Variants in COL4A3 observed in about 807,000 individuals in gnomAD.
COL4A3 encodes the protein collagen type IV alpha 3 chain, also known as collagen alpha-3(IV) chain.
A neutral mutation model predicts 217.4 loss-of-function variants in COL4A3; 135 were observed. That is an observed-to-expected ratio of 0.62 (90% CI 0.54 to 0.72). The LOEUF (loss-of-function observed/expected upper bound fraction) is 0.72. Among genes scored for constraint, COL4A3 ranks in the 30% least tolerant of loss-of-function variants. The pLI is 0.00. For synonymous variants in COL4A3, 690 were observed against 736.3 expected (o/e 0.94, Z 1.02); for missense variants, 1,868 against 2,119.9 (o/e 0.88, Z 2.33).
At chr2:227,267,792 G>GA (rs11298010) in intron 23 of COL4A3, among the ~76,000 whole-genome samples, 97 of 146,766 alleles carry the variant, frequency 6.6e-4, no homozygotes, top group East Asian at 7.9e-4. Flanking sequence ...ATTTTGAAAG[G>GA]AAAAAAAAAA....
In COL4A3 at chr2:227,308,954, T is replaced by C. The variant is rs754214748; in HGVS notation, c.4518T>C (p.Asn1506=). ...RFTTMPFLFC[N]VNDVCNFASR... ...CCACAATGCCATTCTTATTCTGCAA[T>C]GTCAATGATGTATGTAATTTTGCAT... Residue 1506 remains asparagine, a synonymous_variant, in exon 49 of 52, where the codon AAT becomes AAC. Coordinates refer to ENST00000396578, the MANE Select transcript of COL4A3 (RefSeq NM_000091.5). The C allele has an allele frequency of 1.2e-6, 2 of 1,614,218 alleles. No individual in the cohort carries two copies. The highest frequency in any genetic ancestry group is 1.7e-6 in the Non-Finnish European group (2 of 1,180,042).
At position 227,281,038 on chromosome 2, in the gene COL4A3, A is replaced by AAGGGCAGGAGACATGAGACTCC. The variant is rs376532914; in HGVS notation, c.2488+33_2488+54dup. 508 of 1,387,272 alleles carry AAGGGCAGGAGACATGAGACTCC rather than the reference A, an allele frequency of 3.7e-4. 2 individuals are homozygous for AAGGGCAGGAGACATGAGACTCC. The highest frequency in any genetic ancestry group is 3.5e-3 in the African/African-American group (244 of 69,798). 85.9% of individuals were successfully genotyped at this position (1,387,272 alleles called of 1,614,324 possible). On this transcript the variant is annotated intron_variant, in intron 31 of 51. Coordinates refer to ENST00000396578, the MANE Select transcript of COL4A3 (RefSeq NM_000091.5). ...GGAGGGCCTCAAAACTGGCCACCAG[A>AAGGGCAGGAGACATGAGACTCC]AGGGCAGGAGACATGAGACTCCTGC...
At chr2:227,172,883 G>A (rs540110638) in intron 1 of COL4A3, among the ~76,000 whole-genome samples, 1 of 152,176 alleles carries the variant, frequency 6.6e-6, no homozygotes, top group South Asian at 2.1e-4. Context: ...CACAGTGCCT[G>A]GCCCGGTTTC....
intron 1 of COL4A3, among the ~76,000 whole-genome samples, chr2:227,213,095 T>G (rs1054846276): frequency 2.6e-5 from 4 of 152,222 alleles, no homozygotes; most frequent in Admixed American, 6.5e-5. Flanking sequence ...CTGACCCAAC[T>G]TGGCTTCCTC....
intron 34 of COL4A3, among the ~76,000 whole-genome samples, chr2:227,285,636 T>G (rs2072272284): frequency 6.6e-6 from 1 of 152,206 alleles, no homozygotes; most frequent in African/African-American, 2.4e-5. Context: ...GGAAAAAATA[T>G]GAATAGCATA....
chr2:227,308,677 C>A (rs115532542), intron 48 of COL4A3, among the ~76,000 whole-genome samples: 2 of 152,148 alleles, frequency 1.3e-5, no homozygotes, highest in Non-Finnish European at 2.9e-5. Context: ...AAAGAGCCAC[C>A]GGAAGTATTA....
At chr2:227,289,771 A>G (rs1278252419) in intron 35 of COL4A3, among the ~76,000 whole-genome samples, 1 of 152,146 alleles carries the variant, frequency 6.6e-6, no homozygotes, top group Non-Finnish European at 1.5e-5. Context: ...GGATGATTTT[A>G]GTGTTTGAAA....
At chr2:227,259,661 A>C in intron 18 of COL4A3, 132 bp from the exon 19 acceptor site, 1 of 710,968 alleles carries the variant, frequency 1.4e-6, no homozygotes, top group South Asian at 1.6e-5. Flanking sequence ...ACCTGCTAAC[A>C]TGTAAACCTA....
At chr2:227,252,216 T>C (rs1370333369) in intron 11 of COL4A3, among the ~76,000 whole-genome samples, 17 of 131,910 alleles carry the variant, frequency 1.3e-4, no homozygotes, top group Middle Eastern at 3.6e-3. Context: ...TTCTTTCTTT[T>C]TTTTTTTTTT....
rs567959586 is a variant in COL4A3 at position 227,266,677 on chromosome 2, G to A, written c.1408+168G>A. Among the ~76,000 whole-genome samples the A allele has an allele frequency of 5.3e-5, 8 of 151,980 alleles. No individual in the cohort carries two copies. In the South Asian group the frequency reaches 1.7e-3, roughly 32 times the overall value. On this transcript the variant is annotated intron_variant, in intron 22 of 51. Coordinates refer to ENST00000396578, the MANE Select transcript of COL4A3 (RefSeq NM_000091.5). Reference sequence around the variant, plus strand: ...TTATCTGTAAATCAATAATTTATTTGGCACCCATGCAATAAATTGTTGGAT... The same window carrying A: ...TTATCTGTAAATCAATAATTTATTTAGCACCCATGCAATAAATTGTTGGAT...
At chr2:227,302,951 T>C in intron 43 of COL4A3, 87 bp from the exon 44 acceptor site, 1 of 810,094 alleles carries the variant, frequency 1.2e-6, no homozygotes, top group African/African-American at 1.7e-5. Flanking sequence ...CATAATATTA[T>C]ACCCTATTTG....
chr2:227,311,502 C>T (rs2073739824), intron 51 of COL4A3, among the ~76,000 whole-genome samples: 1 of 152,116 alleles, frequency 6.6e-6, no homozygotes, highest in Non-Finnish European at 1.5e-5. Context: ...GCCTCAGCCT[C>T]CCGAGTAGCT....
chr2:227,297,795 G>A lies in COL4A3; in HGVS notation c.3687G>A (p.Leu1229=), dbSNP rs1419036363. ...GIEGFPGPPG[L]PGAIIPGQTG... is the part of the protein sequence containing the mutation. ...AAGGATTCCCAGGGCCACCAGGTCT[G>A]CCCGGTGCAATTATCCCTGGCCAGA... Residue 1229 remains leucine (L), a synonymous_variant, in exon 42 of 52, where the codon CTG becomes CTA. Coordinates refer to ENST00000396578, the MANE Select transcript of COL4A3 (RefSeq NM_000091.5). 1 of 1,575,984 alleles carries A rather than the reference G, an allele frequency of 6.3e-7. No homozygotes were observed. Among genetic ancestry groups the A allele is most frequent in the Non-Finnish European group, 8.6e-7 (1 of 1,160,218 alleles).
intron 1 of COL4A3, among the ~76,000 whole-genome samples, chr2:227,203,259 ACATATATGTG>A (rs1184943173): frequency 1.9e-5 from 1 of 52,226 alleles, no homozygotes; most frequent in Non-Finnish European, 4.0e-5. Flanking sequence ...ATGTATATAT[ACATATATGTG>A]TATATATGTG....
rs1230756753 is a variant in COL4A3 at position 227,191,991 on chromosome 2, T to C, written c.87+27178T>C. On this transcript the variant is annotated intron_variant, in intron 1 of 51. Coordinates refer to ENST00000396578, the MANE Select transcript of COL4A3 (RefSeq NM_000091.5). This position sits in a 1 kb window ranked among gnomAD's most constrained non-coding sequence, Gnocchi z 6.8. ...ATATTTCCTTAAATTTCTCTGTGAA[T>C]GTGTACAGTGAATTTCTTCATCTCT... Among the ~76,000 whole-genome samples the C allele has an allele frequency of 1.3e-5, 2 of 152,210 alleles. No homozygotes were observed. Among genetic ancestry groups the C allele is most frequent in the Non-Finnish European group, 2.9e-5 (2 of 68,030 alleles).
At chr2:227,262,665 T>C (rs2070661848) in intron 20 of COL4A3, among the ~76,000 whole-genome samples, 1 of 152,214 alleles carries the variant, frequency 6.6e-6, no homozygotes, top group Non-Finnish European at 1.5e-5. Context: ...CAAATGGGAT[T>C]GCCTTCTTGA....
In COL4A3 at chr2:227,203,426, CAT is replaced by C. The variant is rs1345498558; in HGVS notation, c.88-34537_88-34536del. Among the ~76,000 whole-genome samples the C allele has an allele frequency of 7.2e-5, 3 of 41,620 alleles. 1 individual carries two copies. The highest frequency in any genetic ancestry group is 9.9e-4 in the South Asian group (1 of 1,010). 27.3% of individuals were successfully genotyped at this position (41,620 alleles called of 152,430 possible). ...ATACATACATATATGTGTATACATA[CAT>C]ATATGTGTGTATATGTGTATACATA... On this transcript the variant is annotated intron_variant, in intron 1 of 51. Coordinates refer to ENST00000396578, the MANE Select transcript of COL4A3 (RefSeq NM_000091.5).
rs534548541 is a variant in COL4A3 at position 227,298,492 on chromosome 2, G to A, written c.3752-190G>A. Among the ~76,000 whole-genome samples, 9 of 152,330 alleles carry A rather than the reference G, an allele frequency of 5.9e-5. No individual in the cohort carries two copies. In the South Asian group the frequency reaches 6.2e-4, roughly 11 times the overall value. On this transcript the variant is annotated intron_variant, in intron 42 of 51. Transcript: ENST00000396578. ...CACTGGGGAGAAGCAGATCCTGCTG[G>A]TGGGTGCCAGGTGCTTCGCTGGCAT...
At chr2:227,212,326 A>T (rs745482902) in intron 1 of COL4A3, among the ~76,000 whole-genome samples, 1 of 152,062 alleles carries the variant, frequency 6.6e-6, no homozygotes, top group Non-Finnish European at 1.5e-5. Flanking sequence ...ATGTTTTTGC[A>T]TCTTTTTAAT....
Sources: allele counts gnomAD v4.1 joint callset (sites outside exome capture counted in the v4.1 genomes callset), GRCh38; gene constraint gnomAD v4.1.1; non-coding constraint Gnocchi (gnomAD v3.1); transcripts MANE v1.5; gene names NCBI Gene and HGNC (gene_info 2026-07-23, HGNC 2026-07-21).